Variants in POLE observed in about 807,000 individuals in gnomAD.
The protein encoded by POLE is DNA polymerase epsilon, catalytic subunit, also known as DNA polymerase epsilon catalytic subunit A.
In POLE, 188 loss-of-function variants were observed where a neutral mutation model predicts 279.2. The ratio of observed to expected loss-of-function variants is 0.67; its 90% CI spans 0.60 to 0.76. The LOEUF is 0.76. Among genes scored for constraint, POLE ranks in the 30% least tolerant of loss-of-function variants. The probability of loss-of-function intolerance (pLI) is 0.00; values close to 1 mark genes in which losing one functional copy is unlikely to be tolerated. For synonymous variants in POLE, 1,214 were observed against 1,172.5 expected, an observed-to-expected ratio of 1.04 and a Z score of -0.72; for missense variants, 2,703 against 3,016.7, an observed-to-expected ratio of 0.90 and a Z score of 2.44.
In POLE at chr12:132,659,346, C is replaced by G. The variant is rs750986436; in HGVS notation, c.3224G>C (p.Ser1075Thr). 6.2e-7 allele frequency: 1 copy of G among 1,613,996 alleles called. No individual in the cohort carries two copies. Among genetic ancestry groups the G allele is most frequent in the South Asian group, 1.1e-5 (1 of 91,092 alleles). ...CTTGCGGGAGATGATGTAGCGGCAA[C>G]TCAGCCCTGCATCCTTGACCATCTG... ...GDQMVKDAGLSCRYIISRKPE... is the reference protein window; with the variant it reads ...GDQMVKDAGLTCRYIISRKPE... Residue 1075 changes from serine to threonine, a missense_variant, in exon 26 of 49, where the codon AGT becomes ACT. Around this residue, in one of 5 missense-constraint regions of POLE, gnomAD observed 1,551 missense variants for 1,686.1 expected, o/e 0.92. Coordinates refer to ENST00000320574, the MANE Select transcript of POLE (RefSeq NM_006231.4).
At position 132,668,967 on chromosome 12, in the gene POLE, G is replaced by C; in HGVS notation, c.1795-28C>G. 6.2e-7 allele frequency: 1 copy of C among 1,606,998 alleles called. No homozygotes were observed. Among genetic ancestry groups the C allele is most frequent in the Non-Finnish European group, 8.5e-7 (1 of 1,174,626 alleles). On this transcript the variant is annotated intron_variant, in intron 16 of 48. Coordinates refer to ENST00000320574, the MANE Select transcript of POLE (RefSeq NM_006231.4). This position sits in a 1 kb window ranked among gnomAD's most constrained non-coding sequence, Gnocchi z 4.0. ...GCAGAGAAAGCGAAACTCAGTAGAGGCTGGTGACCAAGCTTGCCTCGTGTG... is the reference window on the plus strand; with the variant it reads ...GCAGAGAAAGCGAAACTCAGTAGAGCCTGGTGACCAAGCTTGCCTCGTGTG...
At position 132,626,331 on chromosome 12, in the gene POLE, A is replaced by C. The variant is rs763083550; in HGVS notation, c.6331-14T>G. The stretch of plus-strand genomic sequence containing the variant: ...CAGGGACAGCACCTGCAGAGACCAC[A>C]GCCCACATCGGGAAGGAGCTCCCGG... On this transcript the variant is annotated splice_polypyrimidine_tract_variant and intron_variant, in intron 45 of 48. Transcript: ENST00000320574. 6.2e-7 allele frequency: 1 copy of C among 1,612,980 alleles called. No individual in the cohort carries two copies. Among genetic ancestry groups the C allele is most frequent in the South Asian group, 1.1e-5 (1 of 91,084 alleles).
chr12:132,649,621 T>G (rs889855661), intron 30 of POLE, 56 bp downstream of exon 30: 3 of 1,605,016 alleles, frequency 1.9e-6, no homozygotes, highest in Non-Finnish European at 2.6e-6. Context: ...CATCTCGGGC[T>G]CCCTGGGCTG....
chr12:132,682,299 A>AAAAAT (rs1489054085), intron 1 of POLE, among the ~76,000 whole-genome samples: 6 of 91,048 alleles, frequency 6.6e-5, no homozygotes, highest in African/African-American at 2.0e-4. Context: ...GGCAAAAAAA[A>AAAAAT]AAAAATAAAT....
intron 45 of POLE, among the ~76,000 whole-genome samples, chr12:132,631,103 A>G (rs1331574034): frequency 6.6e-6 from 1 of 152,214 alleles, no homozygotes; most frequent in Non-Finnish European, 1.5e-5. Flanking sequence ...TTGCCCACAC[A>G]ATGGACACTG....
intron 32 of POLE, chr12:132,648,585 G>C (rs180918386): frequency 8.3e-4 from 177 of 214,466 alleles, no homozygotes; most frequent in Admixed American, 1.3e-3. Flanking sequence ...ACTTTAAATG[G>C]GTGAGTTGGA....
intron 39 of POLE, chr12:132,641,236 G>C: frequency 2.7e-6 from 1 of 374,256 alleles, no homozygotes; most frequent in South Asian, 2.0e-5. Context: ...CATGCTCTCC[G>C]CAGACTGATG....
intron 23 of POLE, among the ~76,000 whole-genome samples, chr12:132,663,588 A>C (rs533397290): frequency 8.9e-4 from 136 of 152,196 alleles, no homozygotes; most frequent in African/African-American, 3.2e-3. Context: ...GGGAGAGAAG[A>C]GGGGCTATGG....
At chr12:132,629,330 G>A (rs1468865030) in intron 45 of POLE, among the ~76,000 whole-genome samples, 1 of 152,218 alleles carries the variant, frequency 6.6e-6, no homozygotes, top group African/African-American at 2.4e-5. Context: ...TTCCTCTGAA[G>A]CCAGGCTCTG....
chr12:132,641,339 C>T (rs1481380050), intron 39 of POLE: 1 of 445,570 alleles, frequency 2.2e-6, no homozygotes, highest in African/African-American at 2.0e-5. Flanking sequence ...GTAGAGCTGG[C>T]TGGAGATCCC....
intron 39 of POLE, chr12:132,641,370 A>G: frequency 2.0e-6 from 1 of 502,912 alleles, no homozygotes. Flanking sequence ...CTTTGGTCAC[A>G]TCGAAAAGTG....
chr12:132,679,675 C>T (rs1164427904), intron 5 of POLE, 24 bp from the exon 6 acceptor site: 20 of 1,597,394 alleles, frequency 1.3e-5, no homozygotes, highest in Non-Finnish European at 1.6e-5. Flanking sequence ...AGATCACGCT[C>T]ATTGGTTCAA....
intron 26 of POLE, 65 bp downstream of exon 26, chr12:132,659,230 A>T: frequency 2.0e-6 from 3 of 1,474,932 alleles, no homozygotes; most frequent in Non-Finnish European, 2.8e-6. Context: ...TCCGTGACGG[A>T]GGGAGCCCTC....
rs1057522550 is a variant in POLE, at chr12:132,649,535, C to T, written c.3796-20G>A. 1 of 1,610,428 alleles carries T rather than the reference C, an allele frequency of 6.2e-7. No individual in the cohort carries two copies. Among genetic ancestry groups the T allele is most frequent in the Non-Finnish European group, 8.5e-7 (1 of 1,178,454 alleles). ...TTCCTCCTGGGATGGATGGTGAGCA[C>T]AGCCAGTGTGCAAGTGGTGAGATGG... is the stretch of plus-strand genomic sequence containing the variant. On this transcript the variant is annotated intron_variant, in intron 30 of 48. Transcript: ENST00000320574.
chr12:132,680,719 A>G, intron 2 of POLE, 32 bp from the exon 3 acceptor site: 1 of 1,511,622 alleles, frequency 6.6e-7, no homozygotes. Context: ...CAGACACAAG[A>G]CCATCCTCTA....
At chr12:132,663,951 G>A (rs2135956231) in intron 23 of POLE, 53 bp downstream of exon 23, 1 of 1,600,616 alleles carries the variant, frequency 6.2e-7, no homozygotes, top group Non-Finnish European at 8.5e-7. Flanking sequence ...AGTGACATCA[G>A]GGCACTGACG....
intron 45 of POLE, among the ~76,000 whole-genome samples, chr12:132,629,343 G>T (rs2041892285): frequency 1.3e-5 from 2 of 152,196 alleles, no homozygotes; most frequent in South Asian, 4.1e-4. Context: ...AGGCTCTGAG[G>T]CCTCCTCTCT....
At chr12:132,676,465 G>A (rs1007969991) in intron 9 of POLE, 81 bp downstream of exon 9, 3 of 928,230 alleles carry the variant, frequency 3.2e-6, no homozygotes, top group Non-Finnish European at 5.3e-6. Flanking sequence ...AATACTAACA[G>A]TGGGGCAGAT....
At chr12:132,632,831 G>A (rs764039608) in intron 43 of POLE, 36 bp from the exon 44 acceptor site, 15 of 1,558,850 alleles carry the variant, frequency 9.6e-6, no homozygotes, top group South Asian at 2.3e-5. Flanking sequence ...GCCCTGAGTC[G>A]GGCTGCTGCA....
Sources: allele counts gnomAD v4.1 joint callset (sites outside exome capture counted in the v4.1 genomes callset), GRCh38; gene constraint gnomAD v4.1.1; regional missense constraint gnomAD v4.1.1; non-coding constraint Gnocchi (gnomAD v3.1); transcripts MANE v1.5; gene names NCBI Gene and HGNC (gene_info 2026-07-23, HGNC 2026-07-21).